LRRC37A2: variants seen among roughly 807,000 people sequenced by gnomAD.
LRRC37A2 encodes leucine-rich repeat-containing protein 37A2.
LRRC37A2 carries 9 observed loss-of-function variants against 68.8 expected under a neutral mutation model. That is an observed-to-expected ratio of 0.13 (90% CI 0.08 to 0.23). LRRC37A2 has a LOEUF of 0.23. Ranked by LOEUF, LRRC37A2 falls within the 10% of genes least tolerant of loss-of-function variation. The pLI is 1.00. For missense variants in LRRC37A2, 168 were observed against 950.4 expected (o/e 0.18, Z 10.82); for synonymous variants, 63 against 367.6 (o/e 0.17, Z 9.48).
At chr17:46,768,068 G>A in the LRRC37A2 span, among the ~76,000 whole-genome samples, 5 of 152,196 alleles carry the variant, frequency 3.3e-5, no homozygotes, top group African/African-American at 7.2e-5. The surrounding 1 kb of genome is among the most constrained non-coding windows in gnomAD (Gnocchi z 5.0). Flanking sequence ...GATTACAGGC[G>A]TGAGCCACCG....
At chr17:46,853,362 A>AT in the LRRC37A2 span, among the ~76,000 whole-genome samples, 1 of 84,444 alleles carries the variant, frequency 1.2e-5, no homozygotes, top group African/African-American at 5.2e-5. Context: ...AATGCTAGTG[A>AT]CTTTTTTTTT....
chr17:46,900,202 T>TATACATACACAC, the LRRC37A2 span, among the ~76,000 whole-genome samples: 1 of 101,172 alleles, frequency 9.9e-6, no homozygotes, highest in African/African-American at 5.1e-5. Context: ...TATATATATA[T>TATACATACACAC]ACACACACAC....
the LRRC37A2 span, among the ~76,000 whole-genome samples, chr17:46,999,215 C>T: frequency 2.0e-5 from 3 of 152,218 alleles, no homozygotes; most frequent in South Asian, 2.1e-4. Context: ...CCTTGCACTG[C>T]CTCCTACCAG....
chr17:46,743,964 A>C, the LRRC37A2 span, among the ~76,000 whole-genome samples: 9 of 152,204 alleles, frequency 5.9e-5, no homozygotes, highest in African/African-American at 2.2e-4. Context: ...CACACATAGG[A>C]TTTAGGCGCA....
chr17:46,784,998 C>G, the LRRC37A2 span, among the ~76,000 whole-genome samples: 117 of 152,170 alleles, frequency 7.7e-4, 1 homozygote, highest in South Asian at 7.7e-3. Flanking sequence ...AGGATGGTCT[C>G]GATCTCCTGA....
chr17:46,479,633 A>G, the LRRC37A2 span, among the ~76,000 whole-genome samples: 1 of 100,716 alleles, frequency 9.9e-6, no homozygotes, highest in Non-Finnish European at 2.2e-5. Context: ...TCAGCCTCCC[A>G]AGTAGCTGGG....
chr17:47,000,057 ATAAAAT>A, the LRRC37A2 span, among the ~76,000 whole-genome samples: 10 of 29,300 alleles, frequency 3.4e-4, 2 homozygotes, highest in Admixed American at 6.7e-4. Flanking sequence ...ATAAAATAAA[ATAAAAT>A]TAAAATAAAA....
At chr17:46,921,963 C>T in the LRRC37A2 span, among the ~76,000 whole-genome samples, 3 of 152,178 alleles carry the variant, frequency 2.0e-5, no homozygotes, top group Non-Finnish European at 4.4e-5. Flanking sequence ...TACCATTTGA[C>T]CCAGCCATCC....
chr17:47,028,317 G>A, the LRRC37A2 span: 1 of 1,512,434 alleles, frequency 6.6e-7, no homozygotes. Flanking sequence ...ACTCAGCTTT[G>A]GAACATTTCA....
the LRRC37A2 span, among the ~76,000 whole-genome samples, chr17:46,811,276 G>T: frequency 6.6e-6 from 1 of 152,006 alleles, no homozygotes; most frequent in East Asian, 1.9e-4. Context: ...TGTTGCATGG[G>T]TCAGTGTTAA....
the LRRC37A2 span, among the ~76,000 whole-genome samples, chr17:46,862,935 G>A: frequency 6.6e-6 from 1 of 152,212 alleles, no homozygotes. Flanking sequence ...GCTGGTCCTC[G>A]CTGGGTGTCA....
the LRRC37A2 span, among the ~76,000 whole-genome samples, chr17:46,744,649 C>T: frequency 2.6e-5 from 4 of 151,990 alleles, no homozygotes; most frequent in African/African-American, 7.2e-5. Flanking sequence ...TCCACTTGAA[C>T]TTTTGTTACA....
chr17:46,897,698 T>C, the LRRC37A2 span, among the ~76,000 whole-genome samples: 1 of 152,102 alleles, frequency 6.6e-6, no homozygotes. Flanking sequence ...TCATGTTGCC[T>C]AGGCTGGTCT....
the LRRC37A2 span, among the ~76,000 whole-genome samples, chr17:46,950,686 C>T: frequency 0.44 from 66,388 of 151,894 alleles, 14,976 homozygotes; most frequent in East Asian, 0.55. Context: ...CCTGCCTGCC[C>T]GGGGCCCTGC....
At chr17:46,871,564 G>A in the LRRC37A2 span, among the ~76,000 whole-genome samples, 4 of 152,252 alleles carry the variant, frequency 2.6e-5, no homozygotes, top group Admixed American at 2.6e-4. Flanking sequence ...CAGGAAGGTA[G>A]GCCTGCTTGT....
chr17:46,974,704 A>G, the LRRC37A2 span, among the ~76,000 whole-genome samples: 1 of 150,462 alleles, frequency 6.6e-6, no homozygotes, highest in Non-Finnish European at 1.5e-5. Context: ...ACTGCACTCC[A>G]GCCTGGGGGA....
the LRRC37A2 span, chr17:46,940,557 AC>A: frequency 6.2e-7 from 1 of 1,614,124 alleles, no homozygotes; most frequent in Non-Finnish European, 8.5e-7. Context: ...TCCCCCAGGC[AC>A]CCAAGGATCC....
At chr17:46,708,393 A>G in the LRRC37A2 span, among the ~76,000 whole-genome samples, 2 of 152,116 alleles carry the variant, frequency 1.3e-5, no homozygotes, top group African/African-American at 4.8e-5. Flanking sequence ...CCTAATGAAT[A>G]TGAAGTGACA....
chr17:46,941,491 G>A, the LRRC37A2 span: 4 of 899,794 alleles, frequency 4.4e-6, no homozygotes, highest in Admixed American at 1.9e-4. Flanking sequence ...TTCAGAAGCA[G>A]TGGGGAAGCT....
Sources: allele counts gnomAD v4.1 joint callset (sites outside exome capture counted in the v4.1 genomes callset), GRCh38; gene constraint gnomAD v4.1.1; non-coding constraint Gnocchi (gnomAD v3.1); transcripts MANE v1.5; gene names NCBI Gene and HGNC (gene_info 2026-07-23, HGNC 2026-07-21).